The following HIVEP1 variants were observed in gnomAD, a reference collection of about 807,000 sequenced individuals.
The protein encoded by HIVEP1 is HIVEP zinc finger 1.
HIVEP1 carries 36 observed loss-of-function variants against 180.0 expected under a neutral mutation model. That is an observed-to-expected ratio of 0.20 (90% CI 0.15 to 0.26). HIVEP1 has a LOEUF of 0.26. Ranked by LOEUF, HIVEP1 falls within the 10% of genes least tolerant of loss-of-function variation. HIVEP1 has a pLI of 1.00. For missense variants in HIVEP1, 3,143 were observed against 3,268.7 expected (o/e 0.96, Z 0.94); for synonymous variants, 1,239 against 1,239.0 (o/e 1.00, Z 0.00).
chr6:12,169,554 T>G (rs2113710683), downstream of HIVEP1, among the ~76,000 whole-genome samples: 1 of 152,250 alleles, frequency 6.6e-6, no homozygotes, highest in East Asian at 1.9e-4. Context: ...ACAGATCAGG[T>G]AAACTAGGAC....
chr6:12,107,621 G>A (rs1214451508), intron 3 of HIVEP1, among the ~76,000 whole-genome samples: 4 of 152,174 alleles, frequency 2.6e-5, no homozygotes, highest in South Asian at 2.1e-4. Flanking sequence ...TGGTGGGTTC[G>A]TGGTCTCGCT....
chr6:12,078,508 C>T (rs889526095), intron 2 of HIVEP1, among the ~76,000 whole-genome samples: 4 of 151,218 alleles, frequency 2.6e-5, no homozygotes, highest in African/African-American at 4.9e-5. Flanking sequence ...GGGAGCGGCT[C>T]GGATTTGGAG....
chr6:12,122,816 G>C lies in HIVEP1; in HGVS notation c.3021G>C (p.Gln1007His). ...PEHSPVPGGLQPQILHYRVAG... is the reference protein window; with the variant it reads ...PEHSPVPGGLHPQILHYRVAG... ...ACAGCCCTGTGCCCGGCGGTCTGCA[G>C]CCTCAGATTCTACACTACAGAGTCG... The change falls in exon 4 of 9, where the codon CAG (glutamine) becomes CAC (histidine). Residue 1007 changes from glutamine to histidine, a missense_variant. Coordinates refer to ENST00000379388, the MANE Select transcript of HIVEP1 (RefSeq NM_002114.4). The C allele has an allele frequency of 6.2e-7, 1 of 1,613,752 alleles. No homozygotes were observed. Among genetic ancestry groups the C allele is most frequent in the Non-Finnish European group, 8.5e-7 (1 of 1,179,926 alleles).
At chr6:12,178,959 A>G in the HIVEP1 span, among the ~76,000 whole-genome samples, 11 of 152,250 alleles carry the variant, frequency 7.2e-5, no homozygotes, top group Non-Finnish European at 5.9e-5. Flanking sequence ...ACATGTTTTG[A>G]GATAAAATAA....
At chr6:12,175,405 T>C in the HIVEP1 span, among the ~76,000 whole-genome samples, 1 of 152,232 alleles carries the variant, frequency 6.6e-6, no homozygotes, top group Admixed American at 6.5e-5. Context: ...TAAAAACAGA[T>C]AATATGCAAA....
chr6:12,080,896 T>G (rs1182762464), intron 2 of HIVEP1, among the ~76,000 whole-genome samples: 1 of 152,150 alleles, frequency 6.6e-6, no homozygotes, highest in Non-Finnish European at 1.5e-5. Context: ...TCTACTCTAC[T>G]TTGTCCATAA....
chr6:12,160,608 GA>G (rs1157805767), intron 7 of HIVEP1, among the ~76,000 whole-genome samples: 9 of 151,922 alleles, frequency 5.9e-5, no homozygotes, highest in African/African-American at 2.2e-4. Context: ...AAGGCAAAAA[GA>G]AAAAAACAAA....
chr6:12,153,935 G>A (rs1759859808), intron 7 of HIVEP1, among the ~76,000 whole-genome samples: 1 of 152,160 alleles, frequency 6.6e-6, no homozygotes, highest in Non-Finnish European at 1.5e-5. Context: ...ATCACTTGAG[G>A]TCAGGTGTTC....
intron 2 of HIVEP1, among the ~76,000 whole-genome samples, chr6:12,018,247 C>A (rs4714116): frequency 4.6e-5 from 7 of 152,078 alleles, no homozygotes; most frequent in Non-Finnish European, 8.8e-5. Context: ...CGCGCGGCCC[C>A]CGTTCCTGCC....
intron 2 of HIVEP1, among the ~76,000 whole-genome samples, chr6:12,054,299 CTA>C (rs536320664): frequency 8.5e-5 from 13 of 152,138 alleles, no homozygotes; most frequent in Non-Finnish European, 4.4e-5. Context: ...AAAACATACA[CTA>C]TATGTTTGTT....
the HIVEP1 span, among the ~76,000 whole-genome samples, chr6:12,195,086 T>C: frequency 1.3e-5 from 2 of 152,232 alleles, no homozygotes; most frequent in Non-Finnish European, 2.9e-5. Flanking sequence ...TAGAAAAGGA[T>C]ACTTAAGAGA....
chr6:12,168,051 ATGTG>A (rs1760781120), downstream of HIVEP1, among the ~76,000 whole-genome samples: 1 of 11,848 alleles, frequency 8.4e-5, no homozygotes, highest in African/African-American at 2.8e-4. Flanking sequence ...ACATATACAT[ATGTG>A]TATATATACA....
At chr6:12,172,696 C>T in the HIVEP1 span, among the ~76,000 whole-genome samples, 9 of 151,956 alleles carry the variant, frequency 5.9e-5, no homozygotes, top group Middle Eastern at 3.4e-3. Flanking sequence ...ACAGATATTG[C>T]ATTATATGAA....
intron 3 of HIVEP1, among the ~76,000 whole-genome samples, chr6:12,089,567 A>G (rs1056224190): frequency 1.3e-5 from 2 of 151,520 alleles, no homozygotes; most frequent in African/African-American, 4.8e-5. Flanking sequence ...GTGTCCATGC[A>G]TGTGTGTTCA....
chr6:12,132,600 ATG>A (rs1255674759), intron 6 of HIVEP1, among the ~76,000 whole-genome samples: 1 of 152,208 alleles, frequency 6.6e-6, no homozygotes, highest in African/African-American at 2.4e-5. Context: ...TTTTAGATAA[ATG>A]TTAACTAAAT....
At chr6:12,188,163 T>C in the HIVEP1 span, among the ~76,000 whole-genome samples, 1 of 152,192 alleles carries the variant, frequency 6.6e-6, no homozygotes, top group African/African-American at 2.4e-5. Context: ...TATTAGTTAA[T>C]CAAACCAAAG....
chr6:12,068,754 T>A (rs1352213751), intron 2 of HIVEP1, among the ~76,000 whole-genome samples: 2 of 152,226 alleles, frequency 1.3e-5, no homozygotes, highest in Non-Finnish European at 2.9e-5. Context: ...TTTATTTGGC[T>A]GTCCATATTT....
At chr6:12,205,411 C>T in the HIVEP1 span, among the ~76,000 whole-genome samples, 1 of 151,626 alleles carries the variant, frequency 6.6e-6, no homozygotes, top group African/African-American at 2.4e-5. Flanking sequence ...GCAGAGCTTG[C>T]AGTGAGCCGA....
At chr6:12,129,105 G>T (rs1227006180) in intron 4 of HIVEP1, among the ~76,000 whole-genome samples, 1 of 152,188 alleles carries the variant, frequency 6.6e-6, no homozygotes, top group Non-Finnish European at 1.5e-5. Flanking sequence ...AGCTACTCAG[G>T]AGGCTGAGGT....
Sources: allele counts gnomAD v4.1 joint callset (sites outside exome capture counted in the v4.1 genomes callset), GRCh38; gene constraint gnomAD v4.1.1; transcripts MANE v1.5; gene names NCBI Gene and HGNC (gene_info 2026-07-23, HGNC 2026-07-21).